The following MAF variants were observed in gnomAD, a reference collection of about 807,000 sequenced individuals.
MAF encodes the protein transcription factor Maf.
Under a neutral mutation model 22.0 loss-of-function variants are expected in MAF, and 10 were observed. The observed-to-expected ratio is 0.45, with a 90% CI of 0.28 to 0.77. The LOEUF (loss-of-function observed/expected upper bound fraction) is 0.77, where lower values mean the gene tolerates loss of function less well. Ranked by LOEUF, MAF falls within the 30% of genes least tolerant of loss-of-function variation. MAF has a pLI of 0.12. For synonymous variants in MAF, 337 were observed against 255.8 expected (o/e 1.32, Z -3.03); for missense variants, 544 against 548.4 (o/e 0.99, Z 0.08).
At chr16:79,448,240 C>G in the MAF span, among the ~76,000 whole-genome samples, 1 of 152,098 alleles carries the variant, frequency 6.6e-6, no homozygotes, top group Non-Finnish European at 1.5e-5. Context: ...CATTGTCGTC[C>G]TATTGTAAGA....
the MAF span, among the ~76,000 whole-genome samples, chr16:79,431,029 T>A: frequency 2.0e-5 from 3 of 152,118 alleles, no homozygotes; most frequent in Non-Finnish European, 4.4e-5. Context: ...GGTGAATAGT[T>A]CCTTTGTGTG....
chr16:79,564,310 C>G, the MAF span, among the ~76,000 whole-genome samples: 1,038 of 152,154 alleles, frequency 6.8e-3, 17 homozygotes, highest in African/African-American at 0.024. Flanking sequence ...GCATTTGTTA[C>G]CTAGAAGTTT....
chr16:79,345,312 T>C, the MAF span, among the ~76,000 whole-genome samples: 6 of 152,342 alleles, frequency 3.9e-5, no homozygotes, highest in African/African-American at 1.4e-4. Context: ...ATCAATTTTG[T>C]TTAATCCTCA....
the MAF span, among the ~76,000 whole-genome samples, chr16:79,567,110 G>A: frequency 1.3e-5 from 2 of 152,206 alleles, no homozygotes; most frequent in African/African-American, 4.8e-5. Flanking sequence ...ACAAGGTCAG[G>A]AGTTCGAGAC....
chr16:79,586,464 C>A (rs1912849472), intron 1 of MAF, among the ~76,000 whole-genome samples: 1 of 152,182 alleles, frequency 6.6e-6, no homozygotes, highest in Non-Finnish European at 1.5e-5. Flanking sequence ...ACCTTAACTG[C>A]AAATGTTCTT....
chr16:79,395,398 A>G, the MAF span, among the ~76,000 whole-genome samples: 1 of 152,218 alleles, frequency 6.6e-6, no homozygotes, highest in Non-Finnish European at 1.5e-5. Flanking sequence ...ATTCATGTCC[A>G]CCAGAACCTC....
At chr16:79,573,170 G>C in the MAF span, among the ~76,000 whole-genome samples, 18 of 152,072 alleles carry the variant, frequency 1.2e-4, no homozygotes, top group Non-Finnish European at 2.2e-4. Context: ...AGGAAATTAG[G>C]TTTTTGACTA....
the MAF span, among the ~76,000 whole-genome samples, chr16:79,255,790 T>G: frequency 2.0e-5 from 3 of 152,038 alleles, no homozygotes; most frequent in Non-Finnish European, 2.9e-5. Flanking sequence ...CTTGATTAAC[T>G]TAAGGCCCAG....
the MAF span, among the ~76,000 whole-genome samples, chr16:79,574,595 C>A: frequency 6.6e-6 from 1 of 152,102 alleles, no homozygotes; most frequent in Non-Finnish European, 1.5e-5. Context: ...CTGACCATAG[C>A]TCAATTGACC....
the MAF span, among the ~76,000 whole-genome samples, chr16:79,542,871 A>C: frequency 6.6e-6 from 1 of 152,164 alleles, no homozygotes; most frequent in African/African-American, 2.4e-5. Context: ...GTTTCCACAT[A>C]AGTTAGACTC....
chr16:79,414,599 A>T, the MAF span, among the ~76,000 whole-genome samples: 1 of 152,192 alleles, frequency 6.6e-6, no homozygotes, highest in Non-Finnish European at 1.5e-5. Flanking sequence ...TCCAAACTAT[A>T]TCAGTGGGAT....
the MAF span, among the ~76,000 whole-genome samples, chr16:79,296,318 A>G: frequency 6.6e-6 from 1 of 152,160 alleles, no homozygotes; most frequent in African/African-American, 2.4e-5. Flanking sequence ...GCTCTGAACA[A>G]TGAGAATACA....
At chr16:79,371,638 T>C in the MAF span, among the ~76,000 whole-genome samples, 10 of 152,176 alleles carry the variant, frequency 6.6e-5, no homozygotes, top group African/African-American at 2.4e-4. Flanking sequence ...TTGTGTGAAA[T>C]GCCTTTCCCT....
At chr16:79,216,635 G>A in the MAF span, among the ~76,000 whole-genome samples, 1 of 152,020 alleles carries the variant, frequency 6.6e-6, no homozygotes, top group Non-Finnish European at 1.5e-5. Flanking sequence ...AAGGTAGGCT[G>A]GGCTATGCTA....
chr16:79,268,760 C>A, the MAF span, among the ~76,000 whole-genome samples: 1 of 152,200 alleles, frequency 6.6e-6, no homozygotes, highest in African/African-American at 2.4e-5. Flanking sequence ...GACCCCAATC[C>A]TGAGAAAGAA....
At chr16:79,366,327 G>A in the MAF span, among the ~76,000 whole-genome samples, 1 of 152,246 alleles carries the variant, frequency 6.6e-6, no homozygotes, top group African/African-American at 2.4e-5. Context: ...GCAGTCAAGA[G>A]TATAGGCAGG....
chr16:79,484,804 T>G, the MAF span, among the ~76,000 whole-genome samples: 1 of 152,196 alleles, frequency 6.6e-6, no homozygotes, highest in Admixed American at 6.5e-5. Flanking sequence ...TGTGCACGTG[T>G]GTGTGTGTGC....
At chr16:79,316,411 C>T in the MAF span, among the ~76,000 whole-genome samples, 19 of 152,192 alleles carry the variant, frequency 1.2e-4, no homozygotes, top group African/African-American at 3.6e-4. Context: ...TAAAACCTTT[C>T]TGCCTCCTCC....
the MAF span, among the ~76,000 whole-genome samples, chr16:79,499,657 G>T: frequency 6.6e-6 from 1 of 152,262 alleles, no homozygotes; most frequent in Non-Finnish European, 1.5e-5. Context: ...CAGGTAGAAG[G>T]CACCATCCAC....
Sources: allele counts gnomAD v4.1 joint callset (sites outside exome capture counted in the v4.1 genomes callset), GRCh38; gene constraint gnomAD v4.1.1; transcripts MANE v1.5; gene names NCBI Gene and HGNC (gene_info 2026-07-23, HGNC 2026-07-21).